The following MGST1 variants were observed in gnomAD, a reference collection of about 807,000 sequenced individuals.
MGST1 encodes the protein glutathione S-transferase 12.
Under a neutral mutation model 8.9 loss-of-function variants are expected in MGST1, and 5 were observed. The observed-to-expected ratio is 0.56, with a 90% CI of 0.29 to 1.19. The LOEUF (loss-of-function observed/expected upper bound fraction) is 1.19. Among genes scored for constraint, MGST1 ranks in the 50% most tolerant of loss-of-function variants. MGST1 has a pLI of 0.08. For synonymous variants in MGST1, 54 were observed against 67.8 expected (o/e 0.80, Z 1.00); for missense variants, 182 against 187.4 (o/e 0.97, Z 0.17).
At position 16,401,199 on chromosome 12, in the gene MGST1, A is replaced by G; in HGVS notation, n.778+17595A>G. On this transcript the variant is annotated intron_variant and non_coding_transcript_variant, in intron 1 of 1. Coordinates refer to the MGST1 transcript ENST00000359720. The surrounding 1 kb of genome is among the most constrained non-coding windows in gnomAD (Gnocchi z 4.3). Reference sequence around the variant, plus strand: ...CAGTAGCTGGGCCATCCTCATCCATAAGCACTGTGTCACTAAGGAACAGGG... The same window carrying G: ...CAGTAGCTGGGCCATCCTCATCCATGAGCACTGTGTCACTAAGGAACAGGG... The G allele has an allele frequency of 6.4e-7, 1 of 1,558,402 alleles. No individual in the cohort carries two copies. Among genetic ancestry groups the G allele is most frequent in the Non-Finnish European group, 8.8e-7 (1 of 1,131,504 alleles).
At chr12:16,465,598 T>A (rs772952422) in intron 4 of MGST1, among the ~76,000 whole-genome samples, 8 of 152,176 alleles carry the variant, frequency 5.3e-5, no homozygotes, top group Non-Finnish European at 1.0e-4. Context: ...TATAATAATC[T>A]AATGCCTATA....
intron 4 of MGST1, among the ~76,000 whole-genome samples, chr12:16,476,599 C>T (rs1293531030): frequency 6.6e-6 from 1 of 152,056 alleles, no homozygotes; most frequent in Admixed American, 6.6e-5. Context: ...CCAGAGTCAT[C>T]GTCATAGTTG....
At chr12:16,400,396 C>G (rs890451718) in intron 1 of MGST1, 5 of 817,990 alleles carry the variant, frequency 6.1e-6, no homozygotes, top group Non-Finnish European at 1.1e-5. Flanking sequence ...CTCCAGTGAG[C>G]CTTGCAGCCT....
chr12:16,423,583 T>C (rs1940861479), intron 1 of MGST1, among the ~76,000 whole-genome samples: 1 of 152,230 alleles, frequency 6.6e-6, no homozygotes, highest in Non-Finnish European at 1.5e-5. Context: ...CCATGCTTAT[T>C]ATTTATCCTC....
intron 4 of MGST1, among the ~76,000 whole-genome samples, chr12:16,552,796 A>G (rs921917044): frequency 1.6e-4 from 25 of 152,192 alleles, no homozygotes; most frequent in Middle Eastern, 6.8e-3. Context: ...GGCTTTAAGT[A>G]TATTTTCTTT....
In MGST1 at chr12:16,475,960, GAAA is replaced by G. The variant is rs796973337; in HGVS notation, n.482+92366_482+92368del. Among the ~76,000 whole-genome samples, 9 of 140,562 alleles carry G rather than the reference GAAA, an allele frequency of 6.4e-5. No individual in the cohort carries two copies. In the East Asian group the frequency reaches 1.4e-3, roughly 23 times the overall value. 92.2% of individuals were successfully genotyped at this position (140,562 alleles called of 152,430 possible). A position where few individuals can be genotyped will look rare whatever the true frequency, so the allele number is the denominator to read the frequency against. ...TCAGGAAAGAGTTAGCGTCTGAAAA[GAAA>G]AAAAAAAAATACATGATCTTGACTA... On this transcript the variant is annotated intron_variant and non_coding_transcript_variant, in intron 4 of 4. Transcript: ENST00000538857.
downstream of MGST1, among the ~76,000 whole-genome samples, chr12:16,366,626 TGTACACAC>T (rs869282273): frequency 9.9e-5 from 2 of 20,256 alleles, no homozygotes; most frequent in Non-Finnish European, 1.7e-4. This position sits in a 1 kb window ranked among gnomAD's most constrained non-coding sequence, Gnocchi z 4.0. Context: ...CATATCTGTG[TGTACACAC>T]ACACACACAC....
rs746697540 is a variant in MGST1 at position 16,560,404 on chromosome 12, C to T, written n.483-29124C>T. 26 of 1,610,592 alleles carry T rather than the reference C, an allele frequency of 1.6e-5. No homozygotes were observed. Among genetic ancestry groups the T allele is most frequent in the East Asian group, 2.2e-5 (1 of 44,800 alleles). On this transcript the variant is annotated intron_variant and non_coding_transcript_variant, in intron 4 of 4. Transcript: ENST00000538857. This position sits in a 1 kb window ranked among gnomAD's most constrained non-coding sequence, Gnocchi z 5.0. ...CCATTTCTTAGAGACCAAAAAGAGA[C>T]CTGCTTACCTCTGATTACAAAGCTG...
At chr12:16,572,440 C>T (rs1158290564) in intron 4 of MGST1, among the ~76,000 whole-genome samples, 1 of 116,392 alleles carries the variant, frequency 8.6e-6, no homozygotes, top group Non-Finnish European at 1.7e-5. Context: ...AAAAAAAAAA[C>T]AGAGCTACTA....
At chr12:16,426,336 T>C (rs996525999) in intron 1 of MGST1, among the ~76,000 whole-genome samples, 1 of 152,210 alleles carries the variant, frequency 6.6e-6, no homozygotes, top group African/African-American at 2.4e-5. Flanking sequence ...ACTGCACTTT[T>C]CTGAGTCAGA....
chr12:16,471,556 A>G (rs1941289747), intron 4 of MGST1, among the ~76,000 whole-genome samples: 1 of 152,214 alleles, frequency 6.6e-6, no homozygotes, highest in African/African-American at 2.4e-5. Context: ...TGAGAAAGAT[A>G]TGGGGAAATT....
At chr12:16,408,618 T>G (rs1940716090) in intron 1 of MGST1, among the ~76,000 whole-genome samples, 1 of 152,206 alleles carries the variant, frequency 6.6e-6, no homozygotes, top group Non-Finnish European at 1.5e-5. Flanking sequence ...GCAGTTTCAC[T>G]GGAAATTTTT....
chr12:16,541,333 A>T (rs1437547447), intron 4 of MGST1, among the ~76,000 whole-genome samples: 1 of 152,188 alleles, frequency 6.6e-6, no homozygotes, highest in Non-Finnish European at 1.5e-5. Flanking sequence ...GACTTTCAAA[A>T]CTTCTTTTAT....
At chr12:16,536,036 TCTC>T (rs1941754772) in intron 4 of MGST1, among the ~76,000 whole-genome samples, 1 of 151,986 alleles carries the variant, frequency 6.6e-6, no homozygotes, top group South Asian at 2.1e-4. Context: ...GGTTATTTAG[TCTC>T]CTCCTAAAGC....
chr12:16,538,180 G>A (rs1346185685), intron 4 of MGST1, among the ~76,000 whole-genome samples: 2 of 152,072 alleles, frequency 1.3e-5, no homozygotes, highest in Non-Finnish European at 2.9e-5. Context: ...TGTAGGGCAG[G>A]GGCAAAATGC....
Position 16,513,363 on chromosome 12 carries a change from G to A in MGST1, n.483-76165G>A, listed in dbSNP as rs1467542607. ...ATGCTTGCCCTCTGCTCCGTCCTGC[G>A]TCTGCCCACTGCCCTCCTACCGTCC... On this transcript the variant is annotated intron_variant and non_coding_transcript_variant, in intron 4 of 4. Transcript: ENST00000538857. This position sits in a 1 kb window ranked among gnomAD's most constrained non-coding sequence, Gnocchi z 4.2. 7.0e-5 allele frequency: 25 copies of A among 355,306 alleles called. No individual in the cohort carries two copies. Among genetic ancestry groups the A allele is most frequent in the South Asian group, 3.5e-4 (16 of 45,608 alleles). The allele number at this position is 355,306 out of a possible 1,614,324, so 22.0% of individuals were successfully genotyped here. A position where few individuals can be genotyped will look rare whatever the true frequency, so the allele number is the denominator to read the frequency against.
downstream of MGST1, among the ~76,000 whole-genome samples, chr12:16,380,021 A>C (rs1392541163): frequency 6.6e-6 from 1 of 151,812 alleles, no homozygotes; most frequent in Non-Finnish European, 1.5e-5. Flanking sequence ...TATTGCATCT[A>C]TTTGATTCTT....
chr12:16,521,416 T>C (rs1941647788), intron 4 of MGST1, among the ~76,000 whole-genome samples: 1 of 152,156 alleles, frequency 6.6e-6, no homozygotes, highest in Admixed American at 6.6e-5. Flanking sequence ...TTCCTCCTCA[T>C]GTTATGGCTT....
At position 16,386,401 on chromosome 12, in the gene MGST1, G is replaced by C. The variant is rs577442376; in HGVS notation, n.778+2797G>C. ...AACTTAGCCCTAGCACATGGATTTA[G>C]AGTGCAAGGGTATGGCAATGCCGAA... is the stretch of plus-strand genomic sequence containing the variant. On this transcript the variant is annotated intron_variant and non_coding_transcript_variant, in intron 1 of 1. Transcript: ENST00000359720. Among the ~76,000 whole-genome samples, 59 of 152,152 alleles carry C rather than the reference G, an allele frequency of 3.9e-4. 1 individual carries two copies. Among genetic ancestry groups the C allele is most frequent in the Non-Finnish European group, 1.2e-4 (8 of 68,028 alleles).
Sources: allele counts gnomAD v4.1 joint callset (sites outside exome capture counted in the v4.1 genomes callset), GRCh38; gene constraint gnomAD v4.1.1; non-coding constraint Gnocchi (gnomAD v3.1); transcripts MANE v1.5; gene names NCBI Gene and HGNC (gene_info 2026-07-23, HGNC 2026-07-21).